Variants in NALCN observed in about 807,000 individuals in gnomAD.
NALCN encodes the protein sodium leak channel NALCN.
A neutral mutation model predicts 225.3 loss-of-function variants in NALCN; 111 were observed. The observed-to-expected ratio is 0.49, with a 90% CI of 0.42 to 0.58. The LOEUF is 0.58. NALCN is among the 20% of genes least tolerant of loss of function. The pLI, the probability that NALCN is intolerant of heterozygous loss-of-function variation, is 0.00. For missense variants in NALCN, 1,378 were observed against 2,202.4 expected (o/e 0.63, Z 7.49); for synonymous variants, 764 against 769.0 (o/e 0.99, Z 0.11).
chr13:101,170,676 A>G (rs2038669472), intron 15 of NALCN, among the ~76,000 whole-genome samples: 1 of 152,240 alleles, frequency 6.6e-6, no homozygotes, highest in African/African-American at 2.4e-5. Flanking sequence ...TATAATATCT[A>G]TCCAACACTA....
chr13:101,157,095 A>G (rs1175647325), intron 15 of NALCN, among the ~76,000 whole-genome samples: 2 of 152,198 alleles, frequency 1.3e-5, no homozygotes, highest in East Asian at 3.8e-4. Context: ...GTAACAATCT[A>G]ACAAAATTAG....
intron 6 of NALCN, among the ~76,000 whole-genome samples, chr13:101,347,165 A>ACACC (rs1035947758): frequency 6.6e-6 from 1 of 150,840 alleles, no homozygotes; most frequent in Non-Finnish European, 1.5e-5. Context: ...ACACACACAC[A>ACACC]CCCCATGGCT....
At chr13:101,059,722 G>T in intron 42 of NALCN, 96 bp downstream of exon 42, 18 of 1,007,632 alleles carry the variant, frequency 1.8e-5, no homozygotes, top group Admixed American at 5.4e-5. Flanking sequence ...TTGTCACCTT[G>T]TTTGAATGAT....
chr13:101,069,948 C>A (rs2032727337), intron 37 of NALCN, among the ~76,000 whole-genome samples: 3 of 152,112 alleles, frequency 2.0e-5, no homozygotes, highest in Admixed American at 2.0e-4. Flanking sequence ...TGTGCAGCGA[C>A]CTCCTTCACT....
At chr13:101,401,056 G>C (rs963873152) in intron 1 of NALCN, among the ~76,000 whole-genome samples, 4 of 152,104 alleles carry the variant, frequency 2.6e-5, no homozygotes, top group Non-Finnish European at 5.9e-5. Context: ...ATTAGCCAGC[G>C]TCGTCAGGTA....
chr13:101,256,561 T>C (rs1241377469), intron 11 of NALCN, among the ~76,000 whole-genome samples: 1 of 152,156 alleles, frequency 6.6e-6, no homozygotes, highest in Non-Finnish European at 1.5e-5. Flanking sequence ...TATTGTTAAT[T>C]TTTTGCCTAA....
At chr13:101,413,872 A>G (rs9513891) in intron 1 of NALCN, among the ~76,000 whole-genome samples, 114,449 of 152,006 alleles carry the variant, frequency 0.75, 43,904 homozygotes, top group African/African-American at 0.88. Flanking sequence ...ACATTTTGGG[A>G]CAGGGGCATT....
chr13:101,177,818 G>T (rs17678367), intron 14 of NALCN, among the ~76,000 whole-genome samples: 24,245 of 152,046 alleles, frequency 0.16, 2,305 homozygotes, highest in East Asian at 0.44. Context: ...AGATAATTCA[G>T]CCAGTGCTAG....
intron 7 of NALCN, among the ~76,000 whole-genome samples, chr13:101,320,424 T>C (rs990843762): frequency 1.3e-5 from 2 of 152,230 alleles, no homozygotes; most frequent in Non-Finnish European, 2.9e-5. Flanking sequence ...TCTGGGACAT[T>C]TTCCATTCTG....
intron 11 of NALCN, among the ~76,000 whole-genome samples, chr13:101,257,243 C>T (rs527387879): frequency 5.6e-4 from 79 of 140,936 alleles, no homozygotes; most frequent in African/African-American, 2.1e-3. Flanking sequence ...ATTGTAAGCT[C>T]CATATACCAG....
At chr13:101,377,148 T>G in intron 4 of NALCN, 92 bp from the exon 5 acceptor site, 1 of 1,487,756 alleles carries the variant, frequency 6.7e-7, no homozygotes, top group Admixed American at 1.9e-5. Context: ...CATAAGTAGG[T>G]GCACCTCTAC....
chr13:101,136,318 A>ATTTATTTAT, intron 17 of NALCN, among the ~76,000 whole-genome samples: 1 of 132,078 alleles, frequency 7.6e-6, no homozygotes, highest in African/African-American at 2.6e-5. Context: ...TTATTTATAT[A>ATTTATTTAT]TTATACTTTA....
chr13:101,180,906 C>T (rs2039186054), intron 14 of NALCN: 1 of 379,754 alleles, frequency 2.6e-6, no homozygotes, highest in Non-Finnish European at 5.2e-6. Context: ...TATTTCTTCT[C>T]AGAAAGCAGA....
intron 10 of NALCN, among the ~76,000 whole-genome samples, chr13:101,273,033 G>A (rs982119543): frequency 6.6e-6 from 1 of 152,192 alleles, no homozygotes; most frequent in Non-Finnish European, 1.5e-5. Flanking sequence ...GGAGGCACGC[G>A]GTGGAATATG....
intron 15 of NALCN, among the ~76,000 whole-genome samples, chr13:101,171,221 T>G (rs1594357817): frequency 6.7e-6 from 1 of 149,560 alleles, no homozygotes; most frequent in Admixed American, 6.7e-5. Context: ...AATATAATTT[T>G]TATATACTGT....
At position 101,054,103 on chromosome 13, in the gene NALCN, T is replaced by G. The variant is rs1187126255; in HGVS notation, c.*1192A>C. 1.3e-5 allele frequency: 2 copies of G among 152,170 alleles called. No individual in the cohort carries two copies. The highest frequency in any genetic ancestry group is 4.8e-5 in the African/African-American group (2 of 41,432). 9.4% of individuals were successfully genotyped at this position (152,170 alleles called of 1,614,324 possible). On this transcript the variant is annotated 3_prime_UTR_variant, in exon 44 of 44. Coordinates refer to ENST00000251127, the MANE Select transcript of NALCN (RefSeq NM_052867.4). ...CAATCTGTAATAAAATAGTTAAAGG[T>G]CCAAGTCAAGTCCACTTCTACTTGG...
chr13:101,111,430 A>G lies in NALCN; in HGVS notation c.2193-204T>C, dbSNP rs572591739. 2.6e-5 allele frequency among the ~76,000 whole-genome samples: 4 copies of G among 152,336 alleles called. No homozygotes were observed. In the South Asian group the frequency reaches 8.3e-4, roughly 32 times the overall value. On this transcript the variant is annotated intron_variant, in intron 18 of 43. Coordinates refer to ENST00000251127, the MANE Select transcript of NALCN (RefSeq NM_052867.4). ...CAAAGCAGAAGTATCACAGCTATGA[A>G]GAAGGGCTGGAAAATAAACAGAAAG... is the stretch of plus-strand genomic sequence containing the variant.
intron 7 of NALCN, among the ~76,000 whole-genome samples, chr13:101,306,857 C>T (rs569328110): frequency 1.2e-3 from 181 of 152,274 alleles, no homozygotes; most frequent in African/African-American, 4.0e-3. Flanking sequence ...CTGTCCCTAT[C>T]AGGCTTTCTT....
intron 30 of NALCN, among the ~76,000 whole-genome samples, chr13:101,085,198 T>G (rs1468276322): frequency 6.6e-6 from 1 of 152,298 alleles, no homozygotes; most frequent in African/African-American, 2.4e-5. Flanking sequence ...TTATCAATTA[T>G]GTAAGTTGTA....
Sources: allele counts gnomAD v4.1 joint callset (sites outside exome capture counted in the v4.1 genomes callset), GRCh38; gene constraint gnomAD v4.1.1; transcripts MANE v1.5; gene names NCBI Gene and HGNC (gene_info 2026-07-23, HGNC 2026-07-21).